DNAH9: variants seen among roughly 807,000 people sequenced by gnomAD.
DNAH9 encodes the protein dynein axonemal heavy chain 9, also known as DNAH9 variant protein.
DNAH9 carries 345 observed loss-of-function variants against 471.6 expected under a neutral mutation model. The ratio of observed to expected loss-of-function variants is 0.73; its 90% CI spans 0.67 to 0.80. DNAH9 has a LOEUF of 0.80. Among genes scored for constraint, DNAH9 ranks in the 30% least tolerant of loss-of-function variants. DNAH9 has a pLI of 0.00. For missense variants in DNAH9, 5,407 were observed against 5,609.2 expected, an observed-to-expected ratio of 0.96 and a Z score of 1.15; for synonymous variants, 2,093 against 2,123.6, an observed-to-expected ratio of 0.99 and a Z score of 0.40.
chr17:11,770,235 T>C (rs1290531489), intron 38 of DNAH9, among the ~76,000 whole-genome samples: 1 of 152,208 alleles, frequency 6.6e-6, no homozygotes, highest in Non-Finnish European at 1.5e-5. Flanking sequence ...CCAGCAGACT[T>C]GCAAAGCAGG....
Position 11,776,265 on chromosome 17 carries a change from T to C in DNAH9, c.7553-4744T>C, listed in dbSNP as rs573508789. On this transcript the variant is annotated intron_variant, in intron 38 of 68. Coordinates refer to ENST00000262442, the MANE Select transcript of DNAH9 (RefSeq NM_001372.4). ...GTTGCTAATATCAGGTTAATGACAGTGATATCAATGTTAAGATATTTGCTG... is the reference window on the plus strand; with the variant it reads ...GTTGCTAATATCAGGTTAATGACAGCGATATCAATGTTAAGATATTTGCTG... Among the ~76,000 whole-genome samples, 7 of 151,754 alleles carry C rather than the reference T, an allele frequency of 4.6e-5. No individual in the cohort carries two copies. The South Asian group carries it at 1.5e-3, about 32-fold the overall frequency.
At chr17:11,835,892 G>A (rs112017834) in intron 49 of DNAH9, among the ~76,000 whole-genome samples, 2,733 of 152,228 alleles carry the variant, frequency 0.018, 80 homozygotes, top group African/African-American at 0.063. Context: ...CCCTGAACAA[G>A]CTCTAAGAGG....
At chr17:11,641,844 G>C (rs1032132867) in intron 10 of DNAH9, among the ~76,000 whole-genome samples, 4 of 152,178 alleles carry the variant, frequency 2.6e-5, no homozygotes, top group Non-Finnish European at 4.4e-5. Context: ...TCATGAGGAA[G>C]GGAGGGGAAA....
chr17:11,670,398 C>T (rs1329868190), intron 17 of DNAH9, among the ~76,000 whole-genome samples: 1 of 152,138 alleles, frequency 6.6e-6, no homozygotes, highest in Non-Finnish European at 1.5e-5. Context: ...TTGGCCTGGT[C>T]CCCAGATACC....
chr17:11,739,438 CTT>C (rs1341694633), intron 29 of DNAH9, among the ~76,000 whole-genome samples: 1 of 152,164 alleles, frequency 6.6e-6, no homozygotes, highest in East Asian at 1.9e-4. Context: ...AATATTAAGA[CTT>C]TCTAACATTT....
chr17:11,639,792 C>T (rs1438155656), intron 9 of DNAH9, among the ~76,000 whole-genome samples: 1 of 152,108 alleles, frequency 6.6e-6, no homozygotes, highest in Non-Finnish European at 1.5e-5. Context: ...GGTGGATCAC[C>T]TGAGTTTGAG....
intron 14 of DNAH9, among the ~76,000 whole-genome samples, chr17:11,660,319 C>CTTTTTTTTTTTT (rs1208889792): frequency 1.0e-5 from 1 of 97,508 alleles, no homozygotes; most frequent in Non-Finnish European, 2.0e-5. Flanking sequence ...TTAAATGTTT[C>CTTTTTTTTTTTT]TTTTTTTTTT....
chr17:11,755,517 T>C (rs1257987256), intron 33 of DNAH9, among the ~76,000 whole-genome samples: 1 of 152,208 alleles, frequency 6.6e-6, no homozygotes, highest in Non-Finnish European at 1.5e-5. Flanking sequence ...TTTGTAATTC[T>C]TTTTGTAGGG....
At position 11,821,944 on chromosome 17, in the gene DNAH9, A is replaced by G; in HGVS notation, c.8732A>G (p.Asp2911Gly). 6.2e-7 allele frequency: 1 copy of G among 1,613,990 alleles called. No homozygotes were observed. Among genetic ancestry groups the G allele is most frequent in the Non-Finnish European group, 8.5e-7 (1 of 1,179,956 alleles). ...ASGEIPDLYS[D>G]DEVENIISNV... ...GGGGAGATCCCAGATCTCTACTCTG[A>G]TGATGAAGTTGAAAACATCATAAGC... The change falls in exon 46 of 69, where the codon GAT becomes GGT. Residue 2911 changes from aspartate to glycine, a missense_variant. Transcript: ENST00000262442.
chr17:11,700,036 A>T (rs1218732159), intron 23 of DNAH9, among the ~76,000 whole-genome samples, 153 bp downstream of exon 23: 1 of 152,140 alleles, frequency 6.6e-6, no homozygotes, highest in East Asian at 1.9e-4. Context: ...ACTTGAACTG[A>T]TGTTGGAGCA....
rs1041745753 is a variant in DNAH9, at chr17:11,907,012, ATAAAGT to A, written c.11749+1209_11749+1214del. 4.6e-5 allele frequency among the ~76,000 whole-genome samples: 7 copies of A among 152,104 alleles called. No homozygotes were observed. In the East Asian group the frequency reaches 5.8e-4, roughly 13 times the overall value. The stretch of plus-strand genomic sequence containing the variant: ...CTGCACATGTACCACTGAACTTAAA[ATAAAGT>A]TAAAGAAACAAAAATAGAATATTCA... On this transcript the variant is annotated intron_variant, in intron 61 of 68. Coordinates refer to ENST00000262442, the MANE Select transcript of DNAH9 (RefSeq NM_001372.4).
At chr17:11,726,115 C>T (rs1171157096) in intron 27 of DNAH9, among the ~76,000 whole-genome samples, 6 of 152,106 alleles carry the variant, frequency 3.9e-5, no homozygotes. Flanking sequence ...CCATAATCTT[C>T]CTCCTCCTGG....
chr17:11,938,255 C>T (rs1171294341), intron 66 of DNAH9, among the ~76,000 whole-genome samples: 2 of 151,812 alleles, frequency 1.3e-5, no homozygotes, highest in Admixed American at 6.6e-5. Flanking sequence ...GTCATGAGTT[C>T]GAGACCAGCC....
intron 53 of DNAH9, among the ~76,000 whole-genome samples, chr17:11,877,123 A>G (rs955650526): frequency 3.9e-5 from 6 of 151,928 alleles, no homozygotes; most frequent in African/African-American, 1.5e-4. Context: ...CACACAATAT[A>G]TGTTACATAT....
At chr17:11,877,473 TAAAAAAAAAA>T (rs550300868) in intron 53 of DNAH9, among the ~76,000 whole-genome samples, 10 of 68,634 alleles carry the variant, frequency 1.5e-4, no homozygotes, top group African/African-American at 4.1e-4. Context: ...AAACTCTGTC[TAAAAAAAAAA>T]AAAAAAAAAA....
At chr17:11,673,710 G>A (rs76676461) in intron 17 of DNAH9, among the ~76,000 whole-genome samples, 2,827 of 150,894 alleles carry the variant, frequency 0.019, 43 homozygotes, top group Middle Eastern at 0.031. Flanking sequence ...GAGAATATGT[G>A]AATTTGCATC....
At chr17:11,643,933 TAA>T (rs1424366032) in intron 10 of DNAH9, among the ~76,000 whole-genome samples, 1 of 152,100 alleles carries the variant, frequency 6.6e-6, no homozygotes, top group Non-Finnish European at 1.5e-5. Flanking sequence ...AAATAAGGCA[TAA>T]AAGATTTAAA....
chr17:11,608,198 A>G lies in DNAH9; in HGVS notation c.487A>G (p.Arg163Gly), dbSNP rs1323728952. ...NWPHMICEDV[R>G]RHAHSLQCDL... ...GCCCCACATGATATGTGAGGATGTCAGGCGGCACGCCCACAGCCTCCAATG... is the reference window on the plus strand; with the variant it reads ...GCCCCACATGATATGTGAGGATGTCGGGCGGCACGCCCACAGCCTCCAATG... Residue 163 changes from arginine to glycine, a missense_variant, in exon 2 of 69, where the codon AGG becomes GGG. Coordinates refer to ENST00000262442, the MANE Select transcript of DNAH9 (RefSeq NM_001372.4). 6.2e-7 allele frequency: 1 copy of G among 1,613,862 alleles called. No homozygotes were observed. Among genetic ancestry groups the G allele is most frequent in the Admixed American group, 1.7e-5 (1 of 60,004 alleles).
intron 67 of DNAH9, among the ~76,000 whole-genome samples, chr17:11,946,848 A>G (rs1334163341): frequency 6.6e-6 from 1 of 152,174 alleles, no homozygotes; most frequent in East Asian, 1.9e-4. Flanking sequence ...CCAACACATT[A>G]ATTGGACAAA....
Sources: gnomAD v4.1 joint callset for allele counts (sites outside exome capture counted in the v4.1 genomes callset) on GRCh38, gnomAD v4.1.1 for gene constraint, MANE v1.5 for transcripts, NCBI Gene and HGNC (gene_info 2026-07-23, HGNC 2026-07-21) for gene names.